The following PCSK1 variants were observed in gnomAD, a reference collection of about 807,000 sequenced individuals.
The protein encoded by PCSK1 is neuroendocrine convertase 1.
A neutral mutation model predicts 90.6 loss-of-function variants in PCSK1; 56 were observed. That is an observed-to-expected ratio of 0.62 (90% confidence interval 0.50 to 0.77). PCSK1 has a LOEUF of 0.77. Among genes scored for constraint, PCSK1 ranks in the 30% least tolerant of loss-of-function variants. PCSK1 has a pLI of 0.00. For synonymous variants in PCSK1, 348 were observed against 342.4 expected, an observed-to-expected ratio of 1.02 and a Z score of -0.18; for missense variants, 801 against 932.6, an observed-to-expected ratio of 0.86 and a Z score of 1.84.
rs187089542 is a variant in PCSK1 at position 96,392,130 on chromosome 5, C to T, written c.*871G>A. On this transcript the variant is annotated 3_prime_UTR_variant, in exon 14 of 14. Coordinates refer to ENST00000311106, the MANE Select transcript of PCSK1 (RefSeq NM_000439.5). ...TGTGATAAGTGGTTTCCTGTTACTG[C>T]TGAAAAAAATTGTGACTAGGAATTT... is the stretch of plus-strand genomic sequence containing the variant. 34 of 151,306 alleles carry T rather than the reference C, an allele frequency of 2.2e-4. No individual in the cohort carries two copies. The highest frequency in any genetic ancestry group is 8.0e-4 in the African/African-American group (33 of 41,258). 9.4% of individuals were successfully genotyped at this position (151,306 alleles called of 1,614,324 possible).
intron 10 of PCSK1, 70 bp from the exon 11 acceptor site, chr5:96,399,106 A>T: frequency 8.8e-7 from 1 of 1,132,202 alleles, no homozygotes; most frequent in Non-Finnish European, 1.3e-6. Context: ...GCATATCTGC[A>T]TGCATCAATC....
At chr5:96,429,724 G>C (rs1022644759) in intron 1 of PCSK1, among the ~76,000 whole-genome samples, 2 of 152,090 alleles carry the variant, frequency 1.3e-5, no homozygotes, top group Admixed American at 6.6e-5. Flanking sequence ...TTCTGTTCCT[G>C]TGTTAGTTTG....
intron 12 of PCSK1, among the ~76,000 whole-genome samples, chr5:96,395,524 C>G (rs980696919): frequency 6.6e-6 from 1 of 152,190 alleles, no homozygotes; most frequent in African/African-American, 2.4e-5. Context: ...CCATCATTCT[C>G]AGCAAACCAA....
Position 96,433,088 on chromosome 5 carries a change from A to C in PCSK1, c.-46T>G. 1 of 1,583,748 alleles carries C rather than the reference A, an allele frequency of 6.3e-7. No homozygotes were observed. Among genetic ancestry groups the C allele is most frequent in the Non-Finnish European group, 8.7e-7 (1 of 1,152,788 alleles). ...CAAGAGTGGGAAGGGAAGAGGAAAAAGAAGCAAGATAGGAGAAAAGCCAGA... is the reference window on the plus strand; with the variant it reads ...CAAGAGTGGGAAGGGAAGAGGAAAACGAAGCAAGATAGGAGAAAAGCCAGA... On this transcript the variant is annotated 5_prime_UTR_variant, in exon 1 of 14. Transcript: ENST00000311106.
intron 9 of PCSK1, among the ~76,000 whole-genome samples, chr5:96,400,467 A>G (rs1760317210): frequency 6.6e-6 from 1 of 152,214 alleles, no homozygotes; most frequent in East Asian, 1.9e-4. Flanking sequence ...TAGAAGTATA[A>G]AACTTTGTCC....
At position 96,433,217 on chromosome 5, in the gene PCSK1, C is replaced by T. The variant is rs1453639360; in HGVS notation, c.-175G>A. 1.5e-6 allele frequency: 1 copy of T among 657,680 alleles called. No homozygotes were observed. The highest frequency in any genetic ancestry group is 1.8e-5 in the African/African-American group (1 of 55,680). 40.7% of individuals were successfully genotyped at this position (657,680 alleles called of 1,614,324 possible). The stretch of plus-strand genomic sequence containing the variant: ...AGGAGAGGCTGGGCGGCGGCGAGCG[C>T]TCAGTGAAGCGCTTCGGTCTCCAGG... On this transcript the variant is annotated 5_prime_UTR_variant, in exon 1 of 14. Coordinates refer to ENST00000311106, the MANE Select transcript of PCSK1 (RefSeq NM_000439.5).
In PCSK1 at chr5:96,393,050, T is replaced by C; in HGVS notation, c.2213A>G (p.Asp738Gly). The part of the protein sequence containing the change: ...FYNTKPYKHR[D>G]DRLLQALVDI... ...CACCAGAGCTTGAAGCAGCCGGTCG[T>C]CTCTGTGCTTGTAAGGTTTAGTGTT... Residue 738 changes from aspartate (D) to glycine (G), a missense_variant, in exon 14 of 14, where the codon GAC (aspartate) becomes GGC (glycine). Transcript: ENST00000311106. 3.1e-6 allele frequency: 5 copies of C among 1,614,170 alleles called. No individual in the cohort carries two copies. The highest frequency in any genetic ancestry group is 4.2e-6 in the Non-Finnish European group (5 of 1,179,988).
chr5:96,431,653 C>G (rs1030839599), intron 1 of PCSK1, among the ~76,000 whole-genome samples: 1 of 152,104 alleles, frequency 6.6e-6, no homozygotes, highest in Non-Finnish European at 1.5e-5. Context: ...ATTTTCCTTT[C>G]GGGCATTTCA....
intron 9 of PCSK1, 42 bp from the exon 10 acceptor site, chr5:96,400,228 A>G: frequency 2.1e-6 from 3 of 1,441,488 alleles, no homozygotes; most frequent in Non-Finnish European, 2.9e-6. Flanking sequence ...GAGAAAAATG[A>G]AGTTTCCTTG....
At position 96,398,891 on chromosome 5, in the gene PCSK1, T is replaced by TC; in HGVS notation, c.1575_1576insG (p.Thr526AspfsTer7). On this transcript the variant is annotated frameshift_variant, in exon 11 of 14. Coordinates refer to ENST00000311106, the MANE Select transcript of PCSK1 (RefSeq NM_000439.5). LOFTEE classifies it high-confidence loss of function. ...TTTTTTAATTTACCAGCAGCAGAAGTAAGTGTGACATGAAGGTCTCCTCTT... is the reference window on the plus strand; with the variant it reads ...TTTTTTAATTTACCAGCAGCAGAAGTCAAGTGTGACATGAAGGTCTCCTCTT... The TC allele has an allele frequency of 6.2e-7, 1 of 1,613,524 alleles. No individual in the cohort carries two copies.
chr5:96,422,866 G>T (rs1761171078), intron 4 of PCSK1, among the ~76,000 whole-genome samples: 1 of 149,870 alleles, frequency 6.7e-6, no homozygotes, highest in Admixed American at 6.6e-5. Context: ...TAGGTGCATT[G>T]TGTGGTATTC....
chr5:96,416,234 GT>G, intron 5 of PCSK1, 113 bp from the exon 6 acceptor site: 1 of 741,082 alleles, frequency 1.3e-6, no homozygotes, highest in Non-Finnish European at 2.4e-6. Flanking sequence ...CCTTGTTACT[GT>G]TTTTGTTTGT....
Position 96,392,653 on chromosome 5 carries a change from G to C in PCSK1, c.*348C>G. On this transcript the variant is annotated 3_prime_UTR_variant, in exon 14 of 14. Transcript: ENST00000311106. ...TGCAGATTATGTTTTCAAATTAATT[G>C]ATATCCCAGGTTTTGCCTTTTCTTT... 1 of 230,792 alleles carries C rather than the reference G, an allele frequency of 4.3e-6. No homozygotes were observed. The highest frequency in any genetic ancestry group is 8.5e-6 in the Non-Finnish European group (1 of 118,174). The allele number at this position is 230,792 out of a possible 1,614,324, so 14.3% of individuals were successfully genotyped here. A position where few individuals can be genotyped will look rare whatever the true frequency, so the allele number is the denominator to read the frequency against.
In PCSK1 at chr5:96,395,038, C is replaced by G. The variant is rs1561362008; in HGVS notation, c.1723-13G>C. On this transcript the variant is annotated splice_polypyrimidine_tract_variant and intron_variant, in intron 12 of 13. Coordinates refer to ENST00000311106, the MANE Select transcript of PCSK1 (RefSeq NM_000439.5). ...GAATTCTTCCAGACTAACAAATAAG[C>G]ATACCTACATTTAGTATGTGTTTTA... is the stretch of plus-strand genomic sequence containing the variant. The G allele has an allele frequency of 6.3e-7, 1 of 1,593,146 alleles. No individual in the cohort carries two copies. The highest frequency in any genetic ancestry group is 8.6e-7 in the Non-Finnish European group (1 of 1,160,916).
intron 11 of PCSK1, among the ~76,000 whole-genome samples, chr5:96,397,972 T>C (rs1223401991): frequency 6.6e-6 from 1 of 152,036 alleles, no homozygotes; most frequent in Non-Finnish European, 1.5e-5. Flanking sequence ...TATTAATTTC[T>C]TAAAGATATA....
intron 9 of PCSK1, among the ~76,000 whole-genome samples, chr5:96,401,200 TTAGAG>T (rs1289507321): frequency 6.6e-6 from 1 of 151,952 alleles, no homozygotes; most frequent in African/African-American, 2.4e-5. Context: ...TTGTGGGAGT[TTAGAG>T]TAGAAAGAAT....
intron 9 of PCSK1, among the ~76,000 whole-genome samples, chr5:96,403,440 G>T (rs972637909): frequency 6.6e-6 from 1 of 152,048 alleles, no homozygotes; most frequent in Non-Finnish European, 1.5e-5. Context: ...ACAGGCCCCG[G>T]TGTATTTTTC....
chr5:96,409,868 C>T (rs1388184397), intron 8 of PCSK1, among the ~76,000 whole-genome samples: 1 of 152,222 alleles, frequency 6.6e-6, no homozygotes, highest in Admixed American at 6.5e-5. Flanking sequence ...TCTAAACTAG[C>T]TTGCAGAAGT....
intron 9 of PCSK1, among the ~76,000 whole-genome samples, chr5:96,400,590 G>A (rs992262134): frequency 1.3e-5 from 2 of 152,190 alleles, no homozygotes; most frequent in Non-Finnish European, 2.9e-5. Context: ...TCAGCATTAT[G>A]AACCCACAGA....
Sources: allele counts gnomAD v4.1 joint callset (sites outside exome capture counted in the v4.1 genomes callset), GRCh38; gene constraint gnomAD v4.1.1; transcripts MANE v1.5; gene names NCBI Gene and HGNC (gene_info 2026-07-23, HGNC 2026-07-21).